The following NEK7 variants were observed in gnomAD, a reference collection of about 807,000 sequenced individuals.
The protein encoded by NEK7 is serine/threonine-protein kinase Nek7.
NEK7 carries 18 observed loss-of-function variants against 44.6 expected under a neutral mutation model. The ratio of observed to expected loss-of-function variants is 0.40; its 90% CI spans 0.28 to 0.60. NEK7 has a LOEUF of 0.60. NEK7 is among the 20% of genes least tolerant of loss of function. The pLI is 0.38. For missense variants in NEK7, 256 were observed against 366.5 expected (o/e 0.70, Z 2.46); for synonymous variants, 130 against 121.1 (o/e 1.07, Z -0.48).
chr1:198,164,478 T>C (rs1664205791), intron 1 of NEK7, among the ~76,000 whole-genome samples: 1 of 152,218 alleles, frequency 6.6e-6, no homozygotes, highest in Admixed American at 6.5e-5. Context: ...GGTTCTAGTC[T>C]AGACCACTGC....
At chr1:198,277,894 T>G (rs1195381712) in intron 5 of NEK7, 67 bp from the exon 6 acceptor site, 2 of 851,680 alleles carry the variant, frequency 2.3e-6, no homozygotes, top group East Asian at 5.0e-5. Context: ...TTACGGATTT[T>G]TGCTTACCAG....
intron 1 of NEK7, among the ~76,000 whole-genome samples, chr1:198,216,047 A>G (rs1014854304): frequency 3.3e-5 from 5 of 152,074 alleles, no homozygotes; most frequent in African/African-American, 9.7e-5. Flanking sequence ...GCGCTCTAGA[A>G]CAAATGAACC....
intron 1 of NEK7, among the ~76,000 whole-genome samples, chr1:198,202,667 A>G (rs1005542531): frequency 2.6e-5 from 4 of 152,258 alleles, no homozygotes; most frequent in African/African-American, 7.2e-5. Flanking sequence ...CATGTTTTAC[A>G]TGGCAGCAGA....
chr1:198,276,724 T>C (rs1654028801), intron 5 of NEK7, among the ~76,000 whole-genome samples: 1 of 151,748 alleles, frequency 6.6e-6, no homozygotes, highest in Non-Finnish European at 1.5e-5. Flanking sequence ...ATAAGAAAGA[T>C]TAAACTAAGA....
intron 1 of NEK7, among the ~76,000 whole-genome samples, chr1:198,194,497 CTG>C (rs1665173753): frequency 6.6e-6 from 1 of 152,008 alleles, no homozygotes; most frequent in Non-Finnish European, 1.5e-5. Context: ...CTCTATGTGT[CTG>C]TTGTTTCCCT....
At chr1:198,172,240 C>T (rs1664472560) in intron 1 of NEK7, among the ~76,000 whole-genome samples, 1 of 152,140 alleles carries the variant, frequency 6.6e-6, no homozygotes, top group African/African-American at 2.4e-5. Flanking sequence ...TTTTCTCCCT[C>T]CCCTTCTCTC....
In NEK7 at chr1:198,284,159, G is replaced by A. The variant is rs375093763; in HGVS notation, c.589+5098G>A. Among the ~76,000 whole-genome samples the A allele has an allele frequency of 3.4e-4, 52 of 152,212 alleles. No homozygotes were observed. In the South Asian group the frequency reaches 0.011, roughly 32 times the overall value. ...TGTGAGCTATGCACATGAGCTGTTC[G>A]TATTCTAAAGTTGAGAAAACGAAGC... On this transcript the variant is annotated intron_variant, in intron 7 of 9. Transcript: ENST00000367385.
chr1:198,171,594 G>C (rs1664443056), intron 1 of NEK7, among the ~76,000 whole-genome samples: 1 of 151,814 alleles, frequency 6.6e-6, no homozygotes, highest in South Asian at 2.1e-4. Context: ...CAGGAGAATC[G>C]CTGGAACCCA....
At chr1:198,180,457 T>C (rs1365416612) in intron 1 of NEK7, among the ~76,000 whole-genome samples, 1 of 152,068 alleles carries the variant, frequency 6.6e-6, no homozygotes, top group African/African-American at 2.4e-5. Context: ...GCTTGAGGAA[T>C]GGGCAGGCTT....
Position 198,238,199 on chromosome 1 carries a change from C to G in NEK7, c.57+5562C>G, listed in dbSNP as rs144709570. 2.3e-4 allele frequency among the ~76,000 whole-genome samples: 35 copies of G among 152,216 alleles called. No homozygotes were observed. In the East Asian group the frequency reaches 6.6e-3, roughly 29 times the overall value. Reference sequence around the variant, plus strand: ...GCTTCAGTTGGAACACACTTCTCCCCCCCAGGACACTGCTTCCCCTGTAAC... The same window carrying G: ...GCTTCAGTTGGAACACACTTCTCCCGCCCAGGACACTGCTTCCCCTGTAAC... On this transcript the variant is annotated intron_variant, in intron 2 of 9. Coordinates refer to ENST00000367385, the MANE Select transcript of NEK7 (RefSeq NM_133494.3).
intron 3 of NEK7, among the ~76,000 whole-genome samples, chr1:198,254,268 T>A (rs1653176397): frequency 6.6e-6 from 1 of 152,190 alleles, no homozygotes; most frequent in Non-Finnish European, 1.5e-5. Flanking sequence ...AAAAATATTT[T>A]CGACATGTGT....
intron 1 of NEK7, among the ~76,000 whole-genome samples, chr1:198,220,235 T>C (rs1055559191): frequency 1.3e-5 from 2 of 152,046 alleles, no homozygotes; most frequent in African/African-American, 2.4e-5. Flanking sequence ...CTGGCTTTTA[T>C]GTCTTTTTGA....
chr1:198,241,247 T>C (rs1558073128), intron 2 of NEK7, among the ~76,000 whole-genome samples: 1 of 152,254 alleles, frequency 6.6e-6, no homozygotes, highest in Non-Finnish European at 1.5e-5. Context: ...GATCTTGTCA[T>C]ATGATTCTTA....
intron 9 of NEK7, 113 bp downstream of exon 9, chr1:198,297,353 A>G (rs1013606592): frequency 2.3e-6 from 3 of 1,297,188 alleles, no homozygotes; most frequent in Admixed American, 2.3e-5. Context: ...AGGTAGCAGA[A>G]CTAGCACTTT....
intron 3 of NEK7, 22 bp downstream of exon 3, chr1:198,253,202 A>T (rs1185864723): frequency 6.7e-7 from 1 of 1,493,390 alleles, no homozygotes. Context: ...TTAATTATAT[A>T]AATCAATGTA....
intron 9 of NEK7, among the ~76,000 whole-genome samples, chr1:198,316,568 T>G (rs1277408191): frequency 2.0e-5 from 3 of 152,246 alleles, no homozygotes. Context: ...ATCTCACAGA[T>G]ATCTCTTGAG....
At position 198,253,096 on chromosome 1, in the gene NEK7, GA is replaced by G; in HGVS notation, c.118del (p.Ile40LeufsTer21). The G allele has an allele frequency of 6.2e-7, 1 of 1,612,344 alleles. No individual in the cohort carries two copies. Among genetic ancestry groups the G allele is most frequent in the South Asian group, 1.1e-5 (1 of 90,996 alleles). ...NTLANFRIEK[K>X]IGRGQFSEVY... ...CATTAGCCAACTTTCGAATAGAAAA[GA>G]AAATTGGTCGCGGACAATTTAGTGA... On this transcript the variant is annotated frameshift_variant, in exon 3 of 10. Coordinates refer to ENST00000367385, the MANE Select transcript of NEK7 (RefSeq NM_133494.3). LOFTEE classifies it high-confidence loss of function.
chr1:198,274,003 G>T (rs998116706), intron 5 of NEK7, among the ~76,000 whole-genome samples: 2 of 151,004 alleles, frequency 1.3e-5, no homozygotes, highest in Non-Finnish European at 3.0e-5. Context: ...TTATAATCAG[G>T]TCTATTATTA....
At position 198,170,502 on chromosome 1, in the gene NEK7, T is replaced by G. The variant is rs574312790; in HGVS notation, c.-29+13226T>G. 8.6e-4 allele frequency among the ~76,000 whole-genome samples: 131 copies of G among 152,334 alleles called. 1 individual carries two copies. Among genetic ancestry groups the G allele is most frequent in the Middle Eastern group, 3.4e-3 (1 of 294 alleles). On this transcript the variant is annotated intron_variant, in intron 1 of 9. Coordinates refer to ENST00000367385, the MANE Select transcript of NEK7 (RefSeq NM_133494.3). ...CTTTCCTTAGAGCCCAGTTCATTCCTAGTTCTAGGTAAGTCGTTTGGCTTT... is the reference window on the plus strand; with the variant it reads ...CTTTCCTTAGAGCCCAGTTCATTCCGAGTTCTAGGTAAGTCGTTTGGCTTT...
Sources: gnomAD v4.1 joint callset for allele counts (sites outside exome capture counted in the v4.1 genomes callset) on GRCh38, gnomAD v4.1.1 for gene constraint, MANE v1.5 for transcripts, NCBI Gene and HGNC (gene_info 2026-07-23, HGNC 2026-07-21) for gene names.